The following EIF4G3 variants were observed in gnomAD, a reference collection of about 807,000 sequenced individuals.
EIF4G3 encodes the protein eukaryotic translation initiation factor 4 gamma 3, also known as eIF-4-gamma 3.
EIF4G3 carries 34 observed loss-of-function variants against 186.4 expected under a neutral mutation model. The ratio of observed to expected loss-of-function variants is 0.18; its 90% CI spans 0.14 to 0.24. EIF4G3 has a LOEUF of 0.24. EIF4G3 is among the 10% of genes least tolerant of loss of function. The pLI is 1.00. For missense variants in EIF4G3, 1,536 were observed against 1,948.5 expected (o/e 0.79, Z 3.99); for synonymous variants, 673 against 679.5 (o/e 0.99, Z 0.15).
chr1:20,981,501 C>T (rs11802180), intron 8 of EIF4G3, among the ~76,000 whole-genome samples: 14,896 of 76,136 alleles, frequency 0.2, 1,074 homozygotes, highest in African/African-American at 0.24. Flanking sequence ...TACATGTATA[C>T]GCACATACTG....
At chr1:20,891,300 A>T (rs552238240) in intron 18 of EIF4G3, among the ~76,000 whole-genome samples, 2 of 152,356 alleles carry the variant, frequency 1.3e-5, no homozygotes, top group Admixed American at 1.3e-4. Flanking sequence ...TGTGAGTCAC[A>T]TATCAACAAC....
chr1:21,147,796 TATCAA>T (rs145462366), intron 2 of EIF4G3, among the ~76,000 whole-genome samples: 1,908 of 152,314 alleles, frequency 0.013, 40 homozygotes, highest in African/African-American at 0.042. Flanking sequence ...CATTTTCACC[TATCAA>T]ATCAACAAAA....
intron 4 of EIF4G3, among the ~76,000 whole-genome samples, chr1:21,045,818 A>G (rs1041889366): frequency 2.6e-5 from 4 of 152,252 alleles, no homozygotes; most frequent in African/African-American, 9.6e-5. Flanking sequence ...AGAATGAAAC[A>G]AGGCAAAGTT....
intron 2 of EIF4G3, among the ~76,000 whole-genome samples, chr1:21,138,562 T>C (rs1410898326): frequency 1.3e-5 from 2 of 152,118 alleles, no homozygotes; most frequent in Admixed American, 1.3e-4. Flanking sequence ...CTCACACCCA[T>C]AATCCCACAC....
intron 20 of EIF4G3, among the ~76,000 whole-genome samples, chr1:20,868,023 G>A (rs1296282324): frequency 6.7e-6 from 1 of 149,540 alleles, no homozygotes; most frequent in Non-Finnish European, 1.5e-5. Flanking sequence ...GGTTAACAGG[G>A]CTGTGGAAAT....
intron 3 of EIF4G3, among the ~76,000 whole-genome samples, chr1:21,071,132 G>A (rs1240112618): frequency 6.6e-6 from 1 of 152,130 alleles, no homozygotes; most frequent in Non-Finnish European, 1.5e-5. Flanking sequence ...TAGCCAGGTG[G>A]CATGGCTCGT....
At chr1:21,032,147 C>G (rs2092798947) in intron 4 of EIF4G3, among the ~76,000 whole-genome samples, 1 of 152,176 alleles carries the variant, frequency 6.6e-6, no homozygotes, top group African/African-American at 2.4e-5. Flanking sequence ...AAATCATTTC[C>G]AACTTTTCTA....
intron 30 of EIF4G3, among the ~76,000 whole-genome samples, chr1:20,830,437 G>A (rs763445067): frequency 3.3e-5 from 5 of 152,168 alleles, no homozygotes; most frequent in Non-Finnish European, 5.9e-5. Flanking sequence ...TCTGTGCTAT[G>A]GCAAATAGAT....
At chr1:20,959,675 AT>A in intron 12 of EIF4G3, among the ~76,000 whole-genome samples, 1 of 148,934 alleles carries the variant, frequency 6.7e-6, no homozygotes, top group African/African-American at 2.4e-5. Flanking sequence ...AATAATAATA[AT>A]AATAATAATA....
Position 21,031,390 on chromosome 1 carries a change from A to G in EIF4G3, c.-67+19476T>C, listed in dbSNP as rs544502820. ...GAAAAATGAGGAATGATGGCAAAAA[A>G]AAAAAAAAAAAAGAGGGAGAGAGAG... is the stretch of plus-strand genomic sequence containing the variant. On this transcript the variant is annotated intron_variant, in intron 4 of 36. Coordinates refer to ENST00000602326, the MANE Select transcript of EIF4G3 (RefSeq NM_001391906.1). Among the ~76,000 whole-genome samples the G allele has an allele frequency of 1.1e-4, 17 of 151,968 alleles. No individual in the cohort carries two copies. The East Asian group carries it at 3.3e-3, about 29-fold the overall frequency.
rs113851776 is a variant in EIF4G3 at position 20,950,182 on chromosome 1, G to C, written c.715-71C>G. ...TAAAAACTAGCAACATGGAACCCAA[G>C]CAAGTAGGGAAGACAGTAGAGCACA... On this transcript the variant is annotated intron_variant, in intron 12 of 36. Coordinates refer to ENST00000602326, the MANE Select transcript of EIF4G3 (RefSeq NM_001391906.1). 1.5e-5 allele frequency: 17 copies of C among 1,163,300 alleles called. No individual in the cohort carries two copies. In the African/African-American group the frequency reaches 1.9e-4, roughly 13 times the overall value. 72.1% of individuals were successfully genotyped at this position (1,163,300 alleles called of 1,614,324 possible). A position where few individuals can be genotyped will look rare whatever the true frequency, so the allele number is the denominator to read the frequency against.
At chr1:21,152,823 G>A (rs2097574217) in intron 2 of EIF4G3, among the ~76,000 whole-genome samples, 1 of 152,054 alleles carries the variant, frequency 6.6e-6, no homozygotes. Context: ...ATCACACACA[G>A]GTAAAAGATC....
At chr1:20,953,621 T>C (rs924384533) in intron 12 of EIF4G3, among the ~76,000 whole-genome samples, 13 of 152,232 alleles carry the variant, frequency 8.5e-5, no homozygotes, top group Non-Finnish European at 1.5e-5. Flanking sequence ...TTTCTTTACA[T>C]AGGCACATTG....
At chr1:21,045,328 A>G (rs2093819729) in intron 4 of EIF4G3, among the ~76,000 whole-genome samples, 1 of 152,210 alleles carries the variant, frequency 6.6e-6, no homozygotes, top group South Asian at 2.1e-4. Context: ...AATAAGCATC[A>G]CGATCAAGCA....
At chr1:21,170,758 G>A (rs1270063135) in intron 2 of EIF4G3, among the ~76,000 whole-genome samples, 4 of 151,672 alleles carry the variant, frequency 2.6e-5, no homozygotes, top group Non-Finnish European at 5.9e-5. Flanking sequence ...GGAGGTCAAG[G>A]TGGATGGATC....
intron 32 of EIF4G3, 116 bp from the exon 33 acceptor site, chr1:20,825,314 A>C (rs1409700450): frequency 1.3e-6 from 1 of 754,970 alleles, no homozygotes; most frequent in East Asian, 2.7e-5. Flanking sequence ...AAAGCTGAAA[A>C]ATCAAAACGT....
At chr1:21,062,717 G>A (rs934364992) in intron 3 of EIF4G3, among the ~76,000 whole-genome samples, 7 of 152,120 alleles carry the variant, frequency 4.6e-5, no homozygotes, top group Non-Finnish European at 8.8e-5. Flanking sequence ...AGCCTCCCAA[G>A]TAGCTGGGAT....
At chr1:20,840,803 A>G in intron 30 of EIF4G3, 53 bp downstream of exon 30, 1 of 1,540,182 alleles carries the variant, frequency 6.5e-7, no homozygotes, top group Non-Finnish European at 8.9e-7. Context: ...TTGAAAATTA[A>G]CTGGTACCCA....
chr1:21,066,087 G>C (rs1392207127), intron 3 of EIF4G3, among the ~76,000 whole-genome samples: 4 of 152,088 alleles, frequency 2.6e-5, no homozygotes, highest in Non-Finnish European at 5.9e-5. Flanking sequence ...CTGAGCCCAG[G>C]AGGTCAAGGC....
Sources: gnomAD v4.1 joint callset for allele counts (sites outside exome capture counted in the v4.1 genomes callset) on GRCh38, gnomAD v4.1.1 for gene constraint, MANE v1.5 for transcripts, NCBI Gene and HGNC (gene_info 2026-07-23, HGNC 2026-07-21) for gene names.